Variants in PPARGC1A observed in about 807,000 individuals in gnomAD.
PPARGC1A encodes peroxisome proliferator-activated receptor gamma coactivator 1-alpha.
PPARGC1A carries 25 observed loss-of-function variants against 88.7 expected under a neutral mutation model. That is an observed-to-expected ratio of 0.28 (90% CI 0.21 to 0.39). The LOEUF (loss-of-function observed/expected upper bound fraction) is 0.39. PPARGC1A is among the 10% of genes least tolerant of loss of function. PPARGC1A has a pLI of 1.00. For missense variants in PPARGC1A, 880 were observed against 968.7 expected (o/e 0.91, Z 1.22); for synonymous variants, 363 against 355.6 (o/e 1.02, Z -0.24).
the PPARGC1A span, among the ~76,000 whole-genome samples, chr4:24,332,170 G>A: frequency 1.3e-5 from 2 of 151,826 alleles, no homozygotes; most frequent in East Asian, 1.9e-4. Flanking sequence ...TAGAGACAGG[G>A]GCTCATTGTG....
the PPARGC1A span, among the ~76,000 whole-genome samples, chr4:23,960,009 C>T: frequency 1.2e-3 from 177 of 152,208 alleles, 3 homozygotes; most frequent in African/African-American, 4.0e-3. Context: ...CAAGGCCAGA[C>T]TAATGAGCTA....
the PPARGC1A span, among the ~76,000 whole-genome samples, chr4:24,368,819 T>A: frequency 6.6e-6 from 1 of 152,142 alleles, no homozygotes; most frequent in Non-Finnish European, 1.5e-5. Context: ...GACACATCCA[T>A]CAGGAGACGC....
At chr4:24,250,326 A>G in the PPARGC1A span, among the ~76,000 whole-genome samples, 2 of 152,336 alleles carry the variant, frequency 1.3e-5, no homozygotes, top group Admixed American at 1.3e-4. Flanking sequence ...GTTAGCTTCA[A>G]ATAAGTTGAT....
At chr4:24,034,159 A>G in the PPARGC1A span, among the ~76,000 whole-genome samples, 1 of 152,236 alleles carries the variant, frequency 6.6e-6, no homozygotes, top group Non-Finnish European at 1.5e-5. Context: ...GTCAGTCCTA[A>G]TGCCTTTTTC....
At chr4:24,204,546 T>C in the PPARGC1A span, among the ~76,000 whole-genome samples, 2 of 152,154 alleles carry the variant, frequency 1.3e-5, no homozygotes, top group East Asian at 3.9e-4. Context: ...ATTCTTTCTA[T>C]AGTAATTCTC....
At chr4:23,850,620 T>A (rs1005489616) in intron 2 of PPARGC1A, among the ~76,000 whole-genome samples, 3 of 152,206 alleles carry the variant, frequency 2.0e-5, no homozygotes, top group African/African-American at 4.8e-5. Flanking sequence ...AATTAAAATA[T>A]CTAGGTTGAA....
the PPARGC1A span, among the ~76,000 whole-genome samples, chr4:24,005,014 G>C: frequency 6.6e-6 from 1 of 152,044 alleles, no homozygotes; most frequent in African/African-American, 2.4e-5. Context: ...TTTATGACTT[G>C]GAAAGACTCC....
chr4:24,264,740 C>T, the PPARGC1A span, among the ~76,000 whole-genome samples: 2 of 152,152 alleles, frequency 1.3e-5, no homozygotes, highest in Non-Finnish European at 2.9e-5. Flanking sequence ...GAATAAAAAG[C>T]GCAACAGGAA....
At chr4:24,120,802 A>T in the PPARGC1A span, among the ~76,000 whole-genome samples, 1 of 152,288 alleles carries the variant, frequency 6.6e-6, no homozygotes, top group South Asian at 2.1e-4. Flanking sequence ...TCTATGAGCT[A>T]GAAAGTGGTC....
At chr4:24,225,538 A>ACACAC in the PPARGC1A span, among the ~76,000 whole-genome samples, 5 of 151,724 alleles carry the variant, frequency 3.3e-5, no homozygotes, top group African/African-American at 9.7e-5. Context: ...TCAAAAAAAA[A>ACACAC]ACACACACAC....
the PPARGC1A span, among the ~76,000 whole-genome samples, chr4:24,390,048 G>C: frequency 6.6e-6 from 1 of 151,834 alleles, no homozygotes; most frequent in Non-Finnish European, 1.5e-5. Context: ...CATTAATCAA[G>C]GCATGAATTG....
chr4:23,932,863 A>T, the PPARGC1A span, among the ~76,000 whole-genome samples: 1 of 152,166 alleles, frequency 6.6e-6, no homozygotes, highest in African/African-American at 2.4e-5. Context: ...CAATTTGCTC[A>T]GAAGAGGAGA....
chr4:24,212,417 T>C, the PPARGC1A span, among the ~76,000 whole-genome samples: 14 of 152,234 alleles, frequency 9.2e-5, no homozygotes, highest in African/African-American at 3.4e-4. Flanking sequence ...AGCTGTGTGA[T>C]CTGGGACAAG....
chr4:24,107,091 A>G, the PPARGC1A span, among the ~76,000 whole-genome samples: 22 of 152,280 alleles, frequency 1.4e-4, no homozygotes, highest in Admixed American at 1.3e-3. Context: ...ATTAATGAAC[A>G]CAAATACATT....
chr4:24,176,350 C>T, the PPARGC1A span, among the ~76,000 whole-genome samples: 10 of 152,156 alleles, frequency 6.6e-5, no homozygotes, highest in African/African-American at 1.9e-4. Flanking sequence ...TATTACATGG[C>T]TTTTACTTCT....
chr4:23,913,066 A>G, the PPARGC1A span, among the ~76,000 whole-genome samples: 2 of 148,930 alleles, frequency 1.3e-5, no homozygotes, highest in South Asian at 4.3e-4. Context: ...CAGCCGCCCA[A>G]AGTGCTGGGA....
the PPARGC1A span, among the ~76,000 whole-genome samples, chr4:24,183,530 T>C: frequency 6.6e-6 from 1 of 152,152 alleles, no homozygotes; most frequent in South Asian, 2.1e-4. Context: ...GAAAAGAGCT[T>C]TGTGATGGTC....
the PPARGC1A span, among the ~76,000 whole-genome samples, chr4:24,467,007 G>GAA: frequency 5.1e-5 from 3 of 58,764 alleles, no homozygotes; most frequent in Non-Finnish European, 7.6e-5. Context: ...GGAAGGAAGG[G>GAA]GAGAAAGAAA....
the PPARGC1A span, among the ~76,000 whole-genome samples, chr4:24,166,305 CA>C: frequency 6.6e-6 from 1 of 152,180 alleles, no homozygotes; most frequent in Non-Finnish European, 1.5e-5. Context: ...AAGTCATCTC[CA>C]TAATGTAAGT....
Sources: allele counts gnomAD v4.1 joint callset (sites outside exome capture counted in the v4.1 genomes callset), GRCh38; gene constraint gnomAD v4.1.1; transcripts MANE v1.5; gene names NCBI Gene and HGNC (gene_info 2026-07-23, HGNC 2026-07-21).